Variants in DDX27 observed in about 807,000 individuals in gnomAD.
The protein encoded by DDX27 is probable ATP-dependent RNA helicase DDX27.
In DDX27, 42 loss-of-function variants were observed where a neutral mutation model predicts 99.3. The ratio of observed to expected loss-of-function variants is 0.42; its 90% CI spans 0.33 to 0.55. DDX27 has a LOEUF of 0.55. Among genes scored for constraint, DDX27 ranks in the 20% least tolerant of loss-of-function variants. The probability of loss-of-function intolerance (pLI) is 0.07; values close to 1 mark genes in which losing one functional copy is unlikely to be tolerated. For synonymous variants in DDX27, 329 were observed against 353.8 expected (o/e 0.93, Z 0.79); for missense variants, 798 against 976.8 (o/e 0.82, Z 2.44).
chr20:49,223,675 G>C (rs934803679), intron 4 of DDX27, among the ~76,000 whole-genome samples: 1 of 151,616 alleles, frequency 6.6e-6, no homozygotes, highest in Non-Finnish European at 1.5e-5. Context: ...GAAGCCAGGA[G>C]TTTGAGACCA....
At chr20:49,225,684 T>C (rs995393347) in intron 6 of DDX27, among the ~76,000 whole-genome samples, 16 of 152,102 alleles carry the variant, frequency 1.1e-4, no homozygotes, top group Non-Finnish European at 2.1e-4. Flanking sequence ...CTCGATCTCC[T>C]GACCTCGTGA....
chr20:49,233,643 T>A lies in DDX27; in HGVS notation c.1207T>A (p.Phe403Ile). ...FVNSNTDVAP[F>I]LRQEFIRIRP... ...GAACAGCAACACAGATGTGGCTCCC[T>A]TCCTGCGGCAGGAGTTCATCCGGAT... Residue 403 changes from phenylalanine to isoleucine, a missense_variant, in exon 11 of 21, where the codon TTC becomes ATC. Around this residue, in one of 2 missense-constraint regions of DDX27, gnomAD observed 553 missense variants for 727.9 expected, o/e 0.76. Transcript: ENST00000618172. The A allele has an allele frequency of 6.2e-7, 1 of 1,614,100 alleles. No homozygotes were observed. The highest frequency in any genetic ancestry group is 1.1e-5 in the South Asian group (1 of 91,082).
At chr20:49,234,903 C>A in intron 11 of DDX27, 32 bp from the exon 12 acceptor site, 1 of 1,553,818 alleles carries the variant, frequency 6.4e-7, no homozygotes, top group Non-Finnish European at 8.7e-7. Flanking sequence ...AGCCTAGAAA[C>A]AGCTGCCAGC....
At position 49,233,686 on chromosome 20, in the gene DDX27, G is replaced by C; in HGVS notation, c.1250G>C (p.Gly417Ala). 1.2e-6 allele frequency: 2 copies of C among 1,613,878 alleles called. No individual in the cohort carries two copies. The highest frequency in any genetic ancestry group is 1.7e-6 in the Non-Finnish European group (2 of 1,179,928). Residue 417 changes from glycine (G) to alanine (A), a missense_variant, in exon 11 of 21, where the codon GGA (glycine) becomes GCA (alanine). Physicochemically the swap from Gly to Ala is moderately conservative, Grantham distance 60. Transcript: ENST00000618172. Reference sequence around the variant, plus strand: ...ATCCGGATCCGGCCTAATCGTGAAGGAGACCGGGAAGCCATCGTGGCAGGT... The same window carrying C: ...ATCCGGATCCGGCCTAATCGTGAAGCAGACCGGGAAGCCATCGTGGCAGGT... ...EFIRIRPNRE[G>A]DREAIVAALL...
In DDX27 at chr20:49,242,178, G is replaced by A. The variant is rs1227970899; in HGVS notation, c.2088G>A (p.Met696Ile). ...GCAGAGCCAAGCGGGCCCGAGCAAT[G>A]CCCGAGGAGGAGCCAGTGAGAGGTC... ...RNRRAKRARA[M>I]PEEEPVRGPA... The change falls in exon 18 of 21, where the codon ATG becomes ATA. Residue 696 changes from methionine to isoleucine, a missense_variant. This residue lies in a region of DDX27 where 553 missense variants were observed against 727.9 expected (regional missense o/e 0.76). Coordinates refer to ENST00000618172, the MANE Select transcript of DDX27 (RefSeq NM_017895.8). 6.2e-7 allele frequency: 1 copy of A among 1,614,058 alleles called. No individual in the cohort carries two copies. The highest frequency in any genetic ancestry group is 8.5e-7 in the Non-Finnish European group (1 of 1,180,004).
At chr20:49,241,810 C>T in intron 16 of DDX27, 83 bp from the exon 17 acceptor site, 3 of 1,435,776 alleles carry the variant, frequency 2.1e-6, no homozygotes, top group Non-Finnish European at 9.7e-7. Context: ...GCTAACTTAC[C>T]AATTGAAAAC....
At chr20:49,225,901 C>T (rs1979869391) in intron 6 of DDX27, among the ~76,000 whole-genome samples, 1 of 152,170 alleles carries the variant, frequency 6.6e-6, no homozygotes, top group African/African-American at 2.4e-5. Context: ...TCTGACGACA[C>T]CTCCTGGCAC....
intron 14 of DDX27, chr20:49,238,644 T>G (rs1355911691): frequency 6.0e-6 from 2 of 333,276 alleles, no homozygotes; most frequent in Non-Finnish European, 1.1e-5. Context: ...ATTTTTGTAT[T>G]TTTAATAGAG....
chr20:49,221,488 G>C lies in DDX27; in HGVS notation c.130G>C (p.Gly44Arg), dbSNP rs1484236698. 4 of 1,613,708 alleles carry C rather than the reference G, an allele frequency of 2.5e-6. No homozygotes were observed. The highest frequency in any genetic ancestry group is 3.4e-6 in the Non-Finnish European group (4 of 1,180,000). Residue 44 changes from glycine (G) to arginine (R), a missense_variant, in exon 2 of 21, where the codon GGG (glycine) becomes CGG (arginine). Physicochemically the swap from Gly to Arg is moderately radical, Grantham distance 125. Transcript: ENST00000618172. ...IVLGRRQKAL[G>R]KNRSADFNPD... ...GCTGGGCAGACGACAAAAAGCTTTGGGGAAGAACCGCAGTGCTGATTTCAA... is the reference window on the plus strand; with the variant it reads ...GCTGGGCAGACGACAAAAAGCTTTGCGGAAGAACCGCAGTGCTGATTTCAA...
intron 17 of DDX27, 36 bp downstream of exon 17, chr20:49,242,023 G>A (rs368920006): frequency 5.8e-5 from 94 of 1,613,654 alleles, no homozygotes; most frequent in East Asian, 8.9e-5. Flanking sequence ...GGGCCCACTC[G>A]GTGGGGTGGG....
rs778565279 is a variant in DDX27 at position 49,236,234 on chromosome 20, G to A, written c.1509+3G>A. The A allele has an allele frequency of 3.7e-6, 6 of 1,602,808 alleles. No homozygotes were observed. The highest frequency in any genetic ancestry group is 4.3e-6 in the Non-Finnish European group (5 of 1,174,652). Reference sequence around the variant, plus strand: ...TTGACATTGAGGGGGTCAAAACGGTGAGCAGACACTATCTTCCTTGGACTT... The same window carrying A: ...TTGACATTGAGGGGGTCAAAACGGTAAGCAGACACTATCTTCCTTGGACTT... On this transcript the variant is annotated splice_donor_region_variant and intron_variant, in intron 13 of 20. Transcript: ENST00000618172. The surrounding 1 kb of genome is among the most constrained non-coding windows in gnomAD (Gnocchi z 4.1).
chr20:49,229,913 T>G (rs1980040847), intron 8 of DDX27, among the ~76,000 whole-genome samples: 1 of 152,222 alleles, frequency 6.6e-6, no homozygotes, highest in Non-Finnish European at 1.5e-5. Context: ...CCCAAAGTGC[T>G]GGGATTGATT....
At position 49,221,617 on chromosome 20, in the gene DDX27, G is replaced by A. The variant is rs753313172; in HGVS notation, c.240+19G>A. The A allele has an allele frequency of 1.9e-6, 3 of 1,563,546 alleles. No individual in the cohort carries two copies. The highest frequency in any genetic ancestry group is 2.6e-6 in the Non-Finnish European group (3 of 1,153,942). On this transcript the variant is annotated intron_variant, in intron 2 of 20. Transcript: ENST00000618172. ...GAAGAAGGTGAGACTGACAGTGATGGACAGCTCCAGACTTTGGGCTATTAA... is the reference window on the plus strand; with the variant it reads ...GAAGAAGGTGAGACTGACAGTGATGAACAGCTCCAGACTTTGGGCTATTAA...
chr20:49,223,006 G>A lies in DDX27; in HGVS notation c.290G>A (p.Arg97Lys). The change falls in exon 3 of 21, where the codon AGG becomes AAG. Residue 97 changes from arginine to lysine, a missense_variant. By Grantham distance (26) the Arg-to-Lys change is conservative. Coordinates refer to ENST00000618172, the MANE Select transcript of DDX27 (RefSeq NM_017895.8). ...AAGATTGAGAAAGTTCGAAAGAAAA[G>A]GAAAACAGAGGTGAGAAGAAAAGTG... ...DEKIEKVRKK[R>K]KTEDKEAKSG... 1 of 1,613,144 alleles carries A rather than the reference G, an allele frequency of 6.2e-7. No individual in the cohort carries two copies. Among genetic ancestry groups the A allele is most frequent in the Non-Finnish European group, 8.5e-7 (1 of 1,179,506 alleles).
Position 49,234,999 on chromosome 20 carries a change from C to T in DDX27, c.1338C>T (p.His446=). Residue 446 remains histidine (H), a synonymous_variant, in exon 12 of 21, where the codon CAC becomes CAT. Transcript: ENST00000618172. ...MLFTQTKKQA[H]RMHILLGLMG... is the part of the protein sequence containing the mutation. Reference sequence around the variant, plus strand: ...TCACGCAAACCAAGAAGCAGGCCCACCGCATGCACATCCTCCTGGGGCTCA... The same window carrying T: ...TCACGCAAACCAAGAAGCAGGCCCATCGCATGCACATCCTCCTGGGGCTCA... 6.2e-7 allele frequency: 1 copy of T among 1,613,656 alleles called. No individual in the cohort carries two copies. The highest frequency in any genetic ancestry group is 1.1e-5 in the South Asian group (1 of 91,020).
chr20:49,242,822 A>G (rs1442149860), intron 19 of DDX27, 141 bp downstream of exon 19: 7 of 778,392 alleles, frequency 9.0e-6, no homozygotes, highest in Admixed American at 2.8e-5. Context: ...CCTGGGTTCA[A>G]GCAATTCTCC....
intron 6 of DDX27, among the ~76,000 whole-genome samples, chr20:49,225,713 C>G (rs1979862399): frequency 6.6e-6 from 1 of 152,152 alleles, no homozygotes; most frequent in Non-Finnish European, 1.5e-5. Context: ...CCTCAGCCTC[C>G]CAAAGTGCTG....
chr20:49,234,642 C>G (rs1423235803), intron 11 of DDX27: 1 of 272,998 alleles, frequency 3.7e-6, no homozygotes, highest in African/African-American at 2.2e-5. Flanking sequence ...CTAGAATCTT[C>G]CCCTGGATCT....
Position 49,236,135 on chromosome 20 carries a change from T to G in DDX27, c.1428-15T>G, listed in dbSNP as rs2146717484. ...GAGGGTGTCTGGATGAACAGCTGTT[T>G]GTGACTGTTTCTAGGCGTTTTAAGG... On this transcript the variant is annotated splice_polypyrimidine_tract_variant and intron_variant, in intron 12 of 20. Coordinates refer to ENST00000618172, the MANE Select transcript of DDX27 (RefSeq NM_017895.8). This position sits in a 1 kb window ranked among gnomAD's most constrained non-coding sequence, Gnocchi z 4.1. The G allele has an allele frequency of 6.2e-7, 1 of 1,603,858 alleles. No homozygotes were observed. The highest frequency in any genetic ancestry group is 8.5e-7 in the Non-Finnish European group (1 of 1,175,106).
Sources: gnomAD v4.1 joint callset for allele counts (sites outside exome capture counted in the v4.1 genomes callset) on GRCh38, gnomAD v4.1.1 for gene constraint, gnomAD v4.1.1 regional missense constraint, Gnocchi (gnomAD v3.1) non-coding constraint, MANE v1.5 for transcripts, NCBI Gene and HGNC (gene_info 2026-07-23, HGNC 2026-07-21) for gene names.